Variants in RBFOX1 observed in about 807,000 individuals in gnomAD.
RBFOX1 encodes RNA binding protein fox-1 homolog 1.
In RBFOX1, 8 loss-of-function variants were observed where a neutral mutation model predicts 57.7. That is an observed-to-expected ratio of 0.14 (90% CI 0.08 to 0.25). RBFOX1 has a LOEUF of 0.25. Ranked by LOEUF, RBFOX1 falls within the 10% of genes least tolerant of loss-of-function variation. The probability of loss-of-function intolerance (pLI) is 1.00; values close to 1 mark genes in which losing one functional copy is unlikely to be tolerated. For synonymous variants in RBFOX1, 326 were observed against 222.4 expected (o/e 1.47, Z -4.15); for missense variants, 611 against 548.5 (o/e 1.11, Z -1.14).
rs77970661 is a variant in RBFOX1 at position 5,804,691 on chromosome 16, G to A, written c.319-62612G>A. ...TGAAAGCCTGGTCCTAATTAATTACGGTGGCCTTTCAGCAAGTTGGTCCTG... is the reference window on the plus strand; with the variant it reads ...TGAAAGCCTGGTCCTAATTAATTACAGTGGCCTTTCAGCAAGTTGGTCCTG... On this transcript the variant is annotated intron_variant, in intron 3 of 19. Transcript: ENST00000641259. 1.8e-3 allele frequency among the ~76,000 whole-genome samples: 267 copies of A among 152,218 alleles called. 1 individual carries two copies. Among genetic ancestry groups the A allele is most frequent in the African/African-American group, 5.9e-3 (244 of 41,534 alleles).
At chr16:5,633,832 G>A (rs923664136) in intron 3 of RBFOX1, among the ~76,000 whole-genome samples, 2 of 144,884 alleles carry the variant, frequency 1.4e-5, no homozygotes, top group Non-Finnish European at 3.0e-5. Flanking sequence ...CAGCCTGGGC[G>A]ATAGAGTGAG....
At chr16:5,823,405 A>G (rs1440114784) in intron 3 of RBFOX1, among the ~76,000 whole-genome samples, 1 of 152,196 alleles carries the variant, frequency 6.6e-6, no homozygotes, top group Non-Finnish European at 1.5e-5. Flanking sequence ...AATGCAACAT[A>G]GCATGTGAAG....
chr16:5,887,792 G>C (rs1042913519), intron 4 of RBFOX1, among the ~76,000 whole-genome samples: 2 of 152,170 alleles, frequency 1.3e-5, no homozygotes, highest in Non-Finnish European at 2.9e-5. Context: ...CAACCGAATG[G>C]TTGTGCCAGA....
intron 2 of RBFOX1, among the ~76,000 whole-genome samples, chr16:6,562,836 CTTTCTTTCTT>C (rs2097196942): frequency 2.6e-5 from 1 of 37,948 alleles, no homozygotes; most frequent in African/African-American, 9.8e-5. Flanking sequence ...TGATTCTTTT[CTTTCTTTCTT>C]TCTTTCTTTC....
intron 2 of RBFOX1, among the ~76,000 whole-genome samples, chr16:5,513,962 A>C (rs2043696318): frequency 6.6e-6 from 1 of 152,222 alleles, no homozygotes; most frequent in South Asian, 2.1e-4. Context: ...ATGATGAATA[A>C]AATACCAACA....
intron 1 of RBFOX1, among the ~76,000 whole-genome samples, chr16:6,165,178 C>G (rs1056640341): frequency 2.0e-5 from 3 of 152,082 alleles, no homozygotes; most frequent in Non-Finnish European, 2.9e-5. Context: ...TTAATACCCA[C>G]CTGACAAGAT....
intron 3 of RBFOX1, among the ~76,000 whole-genome samples, chr16:6,904,567 C>T (rs1221364907): frequency 7.7e-6 from 1 of 130,512 alleles, no homozygotes; most frequent in Non-Finnish European, 1.6e-5. Flanking sequence ...TGCCATTGCA[C>T]TCCAGCCTGG....
intron 3 of RBFOX1, among the ~76,000 whole-genome samples, chr16:5,628,252 G>A (rs576810466): frequency 6.6e-6 from 1 of 152,164 alleles, no homozygotes; most frequent in Non-Finnish European, 1.5e-5. Flanking sequence ...AAGAATCCAA[G>A]AATTGAAGTC....
intron 1 of RBFOX1, among the ~76,000 whole-genome samples, chr16:6,139,665 T>C (rs771027858): frequency 9.9e-5 from 15 of 152,234 alleles, no homozygotes; most frequent in Non-Finnish European, 2.2e-4. Flanking sequence ...TCCATGAATA[T>C]AGATTGGCTT....
At chr16:6,517,896 C>G (rs931643388) in intron 2 of RBFOX1, among the ~76,000 whole-genome samples, 3 of 152,050 alleles carry the variant, frequency 2.0e-5, no homozygotes, top group African/African-American at 4.8e-5. Context: ...GGCCTTAATA[C>G]TTGTGGTGAT....
chr16:6,926,530 G>C (rs1021836315), intron 3 of RBFOX1, among the ~76,000 whole-genome samples: 1 of 152,200 alleles, frequency 6.6e-6, no homozygotes, highest in Non-Finnish European at 1.5e-5. Context: ...AGGCCAGGGA[G>C]AGGCTTTCTG....
intron 3 of RBFOX1, among the ~76,000 whole-genome samples, chr16:6,950,372 C>T (rs1456974017): frequency 6.8e-6 from 1 of 147,862 alleles, no homozygotes; most frequent in African/African-American, 2.5e-5. Flanking sequence ...CTCTGTCCCT[C>T]TGTCCACCCA....
At chr16:6,595,245 C>T (rs1216725961) in intron 2 of RBFOX1, among the ~76,000 whole-genome samples, 1 of 152,186 alleles carries the variant, frequency 6.6e-6, no homozygotes, top group Non-Finnish European at 1.5e-5. Flanking sequence ...CCTACACAGC[C>T]AGCATTCTGC....
chr16:6,817,086 G>C (rs12925686), intron 3 of RBFOX1, among the ~76,000 whole-genome samples: 67,208 of 151,860 alleles, frequency 0.44, 15,210 homozygotes, highest in Admixed American at 0.48. Context: ...AATTGGACTT[G>C]ACATCTAGGT....
intron 2 of RBFOX1, among the ~76,000 whole-genome samples, chr16:6,414,017 TAGGG>T (rs2093550925): frequency 6.6e-6 from 1 of 152,056 alleles, no homozygotes; most frequent in Non-Finnish European, 1.5e-5. Context: ...ATTCCAACCA[TAGGG>T]ATCGTTCCGC....
rs542640947 is a variant in RBFOX1, at chr16:6,304,828, A to G, written c.-126-12167A>G. Among the ~76,000 whole-genome samples the G allele has an allele frequency of 4.2e-3, 613 of 146,136 alleles. 3 individuals carry two copies. The highest frequency in any genetic ancestry group is 7.1e-3 in the Middle Eastern group (2 of 280). ...GTGGAAATTGCAGTGAGCCCACATCATGCCACTGACTATACTCCAGACTGG... is the reference window on the plus strand; with the variant it reads ...GTGGAAATTGCAGTGAGCCCACATCGTGCCACTGACTATACTCCAGACTGG... On this transcript the variant is annotated intron_variant, in intron 1 of 15. Transcript: ENST00000550418.
chr16:6,783,920 A>G (rs1480779879), intron 3 of RBFOX1, among the ~76,000 whole-genome samples: 3 of 152,108 alleles, frequency 2.0e-5, no homozygotes, highest in African/African-American at 4.8e-5. Context: ...ATAATGTTCT[A>G]GCTTTGAAAG....
chr16:5,863,383 C>G (rs1048333984), intron 3 of RBFOX1, among the ~76,000 whole-genome samples: 2 of 152,180 alleles, frequency 1.3e-5, no homozygotes, highest in Non-Finnish European at 2.9e-5. Flanking sequence ...ATCAGCCCCC[C>G]ACTGCAGACA....
At chr16:6,191,817 C>T (rs895739515) in intron 1 of RBFOX1, among the ~76,000 whole-genome samples, 7 of 152,116 alleles carry the variant, frequency 4.6e-5, no homozygotes, top group African/African-American at 1.2e-4. Flanking sequence ...ATGCAGGTAT[C>T]GAGACTTGAT....
Sources: gnomAD v4.1 joint callset for allele counts (sites outside exome capture counted in the v4.1 genomes callset) on GRCh38, gnomAD v4.1.1 for gene constraint, MANE v1.5 for transcripts, NCBI Gene and HGNC (gene_info 2026-07-23, HGNC 2026-07-21) for gene names.